RSPRY1: variants seen among roughly 807,000 people sequenced by gnomAD.
The protein encoded by RSPRY1 is RING finger and SPRY domain-containing protein 1.
Under a neutral mutation model 73.1 loss-of-function variants are expected in RSPRY1, and 23 were observed. The ratio of observed to expected loss-of-function variants is 0.31; its 90% CI spans 0.23 to 0.45. RSPRY1 has a LOEUF of 0.45. RSPRY1 is among the 20% of genes least tolerant of loss of function. The pLI is 1.00. For synonymous variants in RSPRY1, 226 were observed against 251.4 expected, an observed-to-expected ratio of 0.90 and a Z score of 0.95; for missense variants, 448 against 698.7, an observed-to-expected ratio of 0.64 and a Z score of 4.05.
chr16:57,210,964 G>A (rs1391699154), intron 4 of RSPRY1, among the ~76,000 whole-genome samples: 1 of 152,198 alleles, frequency 6.6e-6, no homozygotes, highest in African/African-American at 2.4e-5. Flanking sequence ...ATTGCAGTGA[G>A]ACAAGATGGC....
rs1242525688 is a variant in RSPRY1 at position 57,225,059 on chromosome 16, CTTTTG to C, written c.1162-2267_1162-2263del. On this transcript the variant is annotated intron_variant, in intron 10 of 14. Coordinates refer to ENST00000394420, the MANE Select transcript of RSPRY1 (RefSeq NM_133368.3). The stretch of plus-strand genomic sequence containing the variant: ...ATTCTTTCTAGCAAGTAGTGAATTT[CTTTTG>C]TTTTGTTTTGTTTTGAGACAGTCTC... Among the ~76,000 whole-genome samples the C allele has an allele frequency of 5.3e-5, 8 of 151,930 alleles. No individual in the cohort carries two copies. In the East Asian group the frequency reaches 5.8e-4, roughly 11 times the overall value.
intron 1 of RSPRY1, among the ~76,000 whole-genome samples, chr16:57,202,522 A>G (rs1280523114): frequency 1.3e-5 from 2 of 152,228 alleles, no homozygotes; most frequent in Admixed American, 6.5e-5. Context: ...AAAGCGAATC[A>G]TACTCTGATC....
rs201569191 is a variant in RSPRY1, at chr16:57,204,691, G to T, written c.33G>T (p.Ala11=). The change falls in exon 2 of 15, where the codon GCG becomes GCT. Residue 11 remains alanine, a synonymous_variant. Coordinates refer to ENST00000394420, the MANE Select transcript of RSPRY1 (RefSeq NM_133368.3). The stretch of plus-strand genomic sequence containing the variant: ...TCTTTGGTTGGGCCGTGTTCTTAGC[G>T]AGCAGAAGCCTTGGCCAGGGTCTGT... MIVFGWAVFL[A]SRSLGQGLLL... The T allele has an allele frequency of 6.2e-7, 1 of 1,614,122 alleles. No homozygotes were observed. Among genetic ancestry groups the T allele is most frequent in the South Asian group, 1.1e-5 (1 of 91,064 alleles).
At chr16:57,186,557 C>T in intron 1 of RSPRY1, 106 bp downstream of exon 1, 1 of 153,212 alleles carries the variant, frequency 6.5e-6, no homozygotes, top group Non-Finnish European at 1.5e-5. Context: ...GCCGCTCGAG[C>T]CTGGGGCGGG....
chr16:57,231,020 C>T, intron 12 of RSPRY1, 147 bp from the exon 13 acceptor site: 6 of 782,328 alleles, frequency 7.7e-6, no homozygotes, highest in Non-Finnish European at 1.2e-5. Flanking sequence ...AGTCACAGAC[C>T]TGTGTGGGTT....
intron 4 of RSPRY1, among the ~76,000 whole-genome samples, chr16:57,211,696 A>G (rs1057160532): frequency 2.6e-5 from 4 of 151,988 alleles, no homozygotes; most frequent in Non-Finnish European, 5.9e-5. Context: ...TTGCTTTCCC[A>G]TGTGTTTTAC....
At chr16:57,227,497 A>T in intron 11 of RSPRY1, 44 bp downstream of exon 11, 1 of 1,370,908 alleles carries the variant, frequency 7.3e-7, no homozygotes, top group Non-Finnish European at 1.0e-6. Context: ...GGGTTAAGAC[A>T]TCTGGTTATT....
At chr16:57,225,993 G>A (rs969823307) in intron 10 of RSPRY1, among the ~76,000 whole-genome samples, 15 of 152,026 alleles carry the variant, frequency 9.9e-5, no homozygotes, top group African/African-American at 3.1e-4. Flanking sequence ...CAGGAGAATC[G>A]CTTAAACCCG....
At position 57,213,881 on chromosome 16, in the gene RSPRY1, T is replaced by C; in HGVS notation, c.644-7T>C. ...AATTATATCAAGTGTTTGTTGTATT[T>C]GTCTAGGTCCTGCAAGTATAGGTTT... On this transcript the variant is annotated splice_polypyrimidine_tract_variant and splice_region_variant and intron_variant, in intron 5 of 14. Transcript: ENST00000394420. 6.3e-7 allele frequency: 1 copy of C among 1,587,190 alleles called. No individual in the cohort carries two copies. The highest frequency in any genetic ancestry group is 1.7e-5 in the Admixed American group (1 of 59,962).
At position 57,204,991 on chromosome 16, in the gene RSPRY1, A is replaced by C. The variant is rs761873595; in HGVS notation, c.333A>C (p.Ile111=). Residue 111 remains isoleucine (I), a synonymous_variant, in exon 2 of 15, where the codon ATA becomes ATC. Coordinates refer to ENST00000394420, the MANE Select transcript of RSPRY1 (RefSeq NM_133368.3). ...TAGTGTTGGACACACTGGCAGTAAT[A>C]CGGACTCTTGTAGATAAGTAAGTAT... The part of the protein sequence containing the change: ...DGLVLDTLAV[I]RTLVDNDQEP... The C allele has an allele frequency of 6.2e-7, 1 of 1,613,504 alleles. No homozygotes were observed. The highest frequency in any genetic ancestry group is 1.1e-5 in the South Asian group (1 of 91,038).
intron 1 of RSPRY1, among the ~76,000 whole-genome samples, chr16:57,198,348 C>A (rs1335276490): frequency 6.6e-6 from 1 of 151,040 alleles, no homozygotes; most frequent in Non-Finnish European, 1.5e-5. Context: ...CACGCCACTG[C>A]ACTCCAGCCT....
At chr16:57,237,675 CTTTAT>C (rs2075320054) in intron 14 of RSPRY1, among the ~76,000 whole-genome samples, 1 of 151,638 alleles carries the variant, frequency 6.6e-6, no homozygotes, top group Non-Finnish European at 1.5e-5. Context: ...GCTAGTATCT[CTTTAT>C]TTTTTTATTT....
intron 1 of RSPRY1, among the ~76,000 whole-genome samples, chr16:57,195,566 G>A (rs974290692): frequency 3.3e-5 from 5 of 151,934 alleles, no homozygotes; most frequent in African/African-American, 9.6e-5. Flanking sequence ...CACTTAGGTG[G>A]TAAGAAGAGT....
intron 6 of RSPRY1, 45 bp from the exon 7 acceptor site, chr16:57,216,062 G>A (rs1173981926): frequency 7.6e-7 from 1 of 1,312,376 alleles, no homozygotes; most frequent in African/African-American, 1.7e-5. Flanking sequence ...ACCTCTGCAG[G>A]GGAATGATTT....
chr16:57,231,155 T>C lies in RSPRY1; in HGVS notation c.1377-12T>C. The stretch of plus-strand genomic sequence containing the variant: ...TTAATTCTATTGGCCTCTGTACTCA[T>C]TTTATTTGTAGATCTGGATTTTTTG... On this transcript the variant is annotated splice_polypyrimidine_tract_variant and intron_variant, in intron 12 of 14. Transcript: ENST00000394420. 1.9e-6 allele frequency: 3 copies of C among 1,611,522 alleles called. No individual in the cohort carries two copies. The highest frequency in any genetic ancestry group is 2.5e-6 in the Non-Finnish European group (3 of 1,178,652).
intron 2 of RSPRY1, chr16:57,207,651 G>A (rs186499384): frequency 3.8e-4 from 176 of 458,030 alleles, no homozygotes; most frequent in African/African-American, 3.1e-3. Context: ...GTCCTCAACC[G>A]GGATTGTCGT....
intron 1 of RSPRY1, among the ~76,000 whole-genome samples, chr16:57,187,347 C>T (rs1374612934): frequency 2.6e-5 from 4 of 152,122 alleles, no homozygotes; most frequent in East Asian, 1.9e-4. Context: ...CCGAGGCGGT[C>T]GGCTGAGACT....
In RSPRY1 at chr16:57,216,916, T is replaced by G. The variant is rs537393655; in HGVS notation, c.782T>G (p.Leu261Trp). 1 of 1,613,186 alleles carries G rather than the reference T, an allele frequency of 6.2e-7. No homozygotes were observed. The highest frequency in any genetic ancestry group is 8.5e-7 in the Non-Finnish European group (1 of 1,179,128). Reference protein sequence around the residue: ...EKFAQTSENKLTISESSISDR... With the variant: ...EKFAQTSENKWTISESSISDR... ...TCTTTCCAAACAGGTGAAAATAAAT[T>G]GACTATTTCTGAATCCAGTATTAGT... Residue 261 changes from leucine to tryptophan, a missense_variant, in exon 8 of 15, where the codon TTG (leucine) becomes TGG (tryptophan). Leu to Trp is a moderately conservative substitution (Grantham distance 61). Transcript: ENST00000394420.
chr16:57,237,023 C>T (rs1381672043), intron 14 of RSPRY1, among the ~76,000 whole-genome samples: 1 of 152,006 alleles, frequency 6.6e-6, no homozygotes, highest in East Asian at 2.0e-4. Context: ...AAAAAATTAC[C>T]CGGGCGTGGT....
Sources: allele counts gnomAD v4.1 joint callset (sites outside exome capture counted in the v4.1 genomes callset), GRCh38; gene constraint gnomAD v4.1.1; transcripts MANE v1.5; gene names NCBI Gene and HGNC (gene_info 2026-07-23, HGNC 2026-07-21).